DNAJB1: variants seen among roughly 807,000 people sequenced by gnomAD.
DNAJB1 encodes the protein DnaJ heat shock protein family (Hsp40) member B1, also known as dnaJ homolog subfamily B member 1.
In DNAJB1, 14 loss-of-function variants were observed where a neutral mutation model predicts 24.0. The observed-to-expected ratio is 0.58, with a 90% CI of 0.39 to 0.91. DNAJB1 has a LOEUF of 0.91. Among genes scored for constraint, DNAJB1 ranks in the 40% least tolerant of loss-of-function variants. The pLI, the probability that DNAJB1 is intolerant of heterozygous loss-of-function variation, is 0.00. For synonymous variants in DNAJB1, 262 were observed against 174.4 expected (o/e 1.50, Z -3.96); for missense variants, 517 against 458.1 (o/e 1.13, Z -1.17).
chr19:14,556,753 G>A (rs1004903126), intron 1 of DNAJB1, among the ~76,000 whole-genome samples: 18 of 152,180 alleles, frequency 1.2e-4, no homozygotes, highest in African/African-American at 3.6e-4. Flanking sequence ...CCCTGACATC[G>A]GCTTTGGGAC....
At chr19:14,559,631 C>CA (rs2073845251) in intron 1 of DNAJB1, among the ~76,000 whole-genome samples, 3 of 152,006 alleles carry the variant, frequency 2.0e-5, no homozygotes. Flanking sequence ...TCCTAAAATA[C>CA]AAAAAATTAG....
At chr19:14,537,496 C>T (rs2072943990) in intron 1 of DNAJB1, among the ~76,000 whole-genome samples, 1 of 152,036 alleles carries the variant, frequency 6.6e-6, no homozygotes, top group Non-Finnish European at 1.5e-5. Flanking sequence ...CTTGGAAAGG[C>T]CTTGCGACTC....
chr19:14,522,850 T>C (rs2072378216), upstream of DNAJB1, among the ~76,000 whole-genome samples: 1 of 152,188 alleles, frequency 6.6e-6, no homozygotes, highest in South Asian at 2.1e-4. Flanking sequence ...CCTTATTTCC[T>C]ACGTGTGTGA....
chr19:14,529,805 C>T (rs1044463836), upstream of DNAJB1: 6 of 1,574,238 alleles, frequency 3.8e-6, no homozygotes, highest in Admixed American at 1.7e-5. Flanking sequence ...TGGTCCTGTG[C>T]CCCGAAGGAA....
At chr19:14,544,093 G>T (rs541236505) in intron 1 of DNAJB1, among the ~76,000 whole-genome samples, 3 of 152,190 alleles carry the variant, frequency 2.0e-5, no homozygotes, top group East Asian at 3.9e-4. Flanking sequence ...ACAGAGGACA[G>T]AGCTGGAGAA....
chr19:14,518,343 T>C lies in DNAJB1; in HGVS notation c.7A>G (p.Lys3Glu), dbSNP rs1472513774. 1 of 1,578,674 alleles carries C rather than the reference T, an allele frequency of 6.3e-7. No individual in the cohort carries two copies. Among genetic ancestry groups the C allele is most frequent in the South Asian group, 1.1e-5 (1 of 87,764 alleles). Residue 3 changes from lysine (K) to glutamate (E), a missense_variant, in exon 1 of 3, where the codon AAA becomes GAA. Physicochemically the swap from Lys to Glu is moderately conservative, Grantham distance 56. Transcript: ENST00000254322. The part of the protein sequence containing the change: MG[K>E]DYYQTLGLAR... ...AGGCCCAACGTCTGGTAGTAGTCTT[T>C]ACCCATGACCCCCTCCTGCGGCCCG...
Position 14,515,683 on chromosome 19 carries a change from G to A in DNAJB1, c.*257C>T, listed in dbSNP as rs548328686. On this transcript the variant is annotated 3_prime_UTR_variant, in exon 3 of 3. Coordinates refer to ENST00000254322, the MANE Select transcript of DNAJB1 (RefSeq NM_006145.3). ...AGGTGGATGTGGGCCCATCCCGGGA[G>A]GGCTGCCAGACCCAGTGGGGCAGAC... is the stretch of plus-strand genomic sequence containing the variant. The A allele has an allele frequency of 2.9e-5, 13 of 445,710 alleles. No homozygotes were observed. The highest frequency in any genetic ancestry group is 1.1e-4 in the South Asian group (4 of 36,166). The allele number at this position is 445,710 out of a possible 1,614,324, so 27.6% of individuals were successfully genotyped here. A position where few individuals can be genotyped will look rare whatever the true frequency, so the allele number is the denominator to read the frequency against.
chr19:14,524,096 A>G (rs1006543210), intron 2 of DNAJB1, among the ~76,000 whole-genome samples: 1 of 152,184 alleles, frequency 6.6e-6, no homozygotes, highest in African/African-American at 2.4e-5. Flanking sequence ...TCACCCAGAG[A>G]GTAAAATGCT....
At chr19:14,545,943 C>G (rs1345347060) in intron 1 of DNAJB1, 1 of 152,252 alleles carries the variant, frequency 6.6e-6, no homozygotes, top group Non-Finnish European at 1.5e-5. Flanking sequence ...CATCCAAGGC[C>G]TGATCAGAGC....
At chr19:14,560,319 G>A (rs886771367), upstream of DNAJB1, among the ~76,000 whole-genome samples, 1 of 152,180 alleles carries the variant, frequency 6.6e-6, no homozygotes. Flanking sequence ...GCAGGAACTC[G>A]GAGGCCTTCT....
At chr19:14,544,006 A>T (rs2073216998) in intron 1 of DNAJB1, among the ~76,000 whole-genome samples, 1 of 151,820 alleles carries the variant, frequency 6.6e-6, no homozygotes, top group Non-Finnish European at 1.5e-5. Context: ...CCAAAGTGCT[A>T]GGATTACAGG....
chr19:14,533,300 A>G (rs1309563565), upstream of DNAJB1, among the ~76,000 whole-genome samples: 1 of 150,942 alleles, frequency 6.6e-6, no homozygotes, highest in African/African-American at 2.4e-5. Context: ...CACGCCTGAA[A>G]TCCCAGGTAC....
chr19:14,515,556 A>G lies in DNAJB1; in HGVS notation c.*384T>C, dbSNP rs531945263. 7 of 240,016 alleles carry G rather than the reference A, an allele frequency of 2.9e-5. No individual in the cohort carries two copies. The Admixed American group carries it at 2.9e-4, about 10-fold the overall frequency. 14.9% of individuals were successfully genotyped at this position (240,016 alleles called of 1,614,324 possible). A position where few individuals can be genotyped will look rare whatever the true frequency, so the allele number is the denominator to read the frequency against. On this transcript the variant is annotated 3_prime_UTR_variant, in exon 3 of 3. Coordinates refer to ENST00000254322, the MANE Select transcript of DNAJB1 (RefSeq NM_006145.3). ...AAGGAGGAGTGTACAGGGTCTGGGAATCAAGACTGCAGGTTGACATTATCT... is the reference window on the plus strand; with the variant it reads ...AAGGAGGAGTGTACAGGGTCTGGGAGTCAAGACTGCAGGTTGACATTATCT...
At chr19:14,556,740 C>T (rs1052003703) in intron 1 of DNAJB1, among the ~76,000 whole-genome samples, 26 of 152,184 alleles carry the variant, frequency 1.7e-4, no homozygotes, top group African/African-American at 5.3e-4. Context: ...GAGCTGTCTC[C>T]GTCCCTGACA....
chr19:14,547,831 T>G (rs1163006153), intron 1 of DNAJB1, among the ~76,000 whole-genome samples: 3 of 151,738 alleles, frequency 2.0e-5, no homozygotes, highest in East Asian at 3.9e-4. Context: ...CGGCTACTTT[T>G]GTTTTTTTTT....
chr19:14,523,376 G>A (rs540024947), upstream of DNAJB1, among the ~76,000 whole-genome samples: 2 of 151,254 alleles, frequency 1.3e-5, no homozygotes, highest in South Asian at 2.1e-4. Flanking sequence ...GTGCAGTGGT[G>A]TGATCTCAGC....
chr19:14,515,708 C>T lies in DNAJB1; in HGVS notation c.*232G>A, dbSNP rs1436775522. The T allele has an allele frequency of 8.2e-6, 4 of 488,682 alleles. No homozygotes were observed. Among genetic ancestry groups the T allele is most frequent in the Non-Finnish European group, 1.4e-5 (4 of 279,152 alleles). 30.3% of individuals were successfully genotyped at this position (488,682 alleles called of 1,614,324 possible). A position where few individuals can be genotyped will look rare whatever the true frequency, so the allele number is the denominator to read the frequency against. On this transcript the variant is annotated 3_prime_UTR_variant, in exon 3 of 3. Coordinates refer to ENST00000254322, the MANE Select transcript of DNAJB1 (RefSeq NM_006145.3). The stretch of plus-strand genomic sequence containing the variant: ...GGGCTGCCAGACCCAGTGGGGCAGA[C>T]TGGAATGCCTTTTCCTGCTGTTCCC...
intron 1 of DNAJB1, among the ~76,000 whole-genome samples, chr19:14,535,477 A>G (rs563462186): frequency 1.3e-3 from 155 of 120,804 alleles, no homozygotes; most frequent in African/African-American, 4.7e-3. Context: ...ACTGCACTCC[A>G]GCCTGGGCGA....
upstream of DNAJB1, chr19:14,529,350 G>A (rs1486107967): frequency 8.5e-6 from 4 of 472,558 alleles, no homozygotes; most frequent in South Asian, 9.1e-5. Flanking sequence ...GCGTGGCAAA[G>A]GGACGCGCGG....
Sources: allele counts gnomAD v4.1 joint callset (sites outside exome capture counted in the v4.1 genomes callset), GRCh38; gene constraint gnomAD v4.1.1; transcripts MANE v1.5; gene names NCBI Gene and HGNC (gene_info 2026-07-23, HGNC 2026-07-21).